Variants in NAV2 observed in about 807,000 individuals in gnomAD.
The protein encoded by NAV2 is neuron navigator 2, also known as helicase, APC down-regulated 1.
Under a neutral mutation model 223.2 loss-of-function variants are expected in NAV2, and 54 were observed. That is an observed-to-expected ratio of 0.24 (90% CI 0.19 to 0.30). The LOEUF (loss-of-function observed/expected upper bound fraction) is 0.30, where lower values mean the gene tolerates loss of function less well. Among genes scored for constraint, NAV2 ranks in the 10% least tolerant of loss-of-function variants. The pLI is 1.00. For missense variants in NAV2, 2,806 were observed against 3,147.5 expected (o/e 0.89, Z 2.60); for synonymous variants, 1,279 against 1,239.3 (o/e 1.03, Z -0.67).
intron 1 of NAV2, among the ~76,000 whole-genome samples, chr11:19,382,170 T>C (rs925266077): frequency 2.6e-5 from 4 of 152,166 alleles, no homozygotes; most frequent in African/African-American, 9.7e-5. Flanking sequence ...CTAAGCTGAA[T>C]GGCGCCTGAG....
intron 30 of NAV2, 132 bp downstream of exon 30, chr11:20,095,899 G>T (rs1843189278): frequency 9.8e-6 from 7 of 712,492 alleles, no homozygotes; most frequent in Non-Finnish European, 1.8e-5. Flanking sequence ...TGTTAATGTT[G>T]CTGGAACTTG....
intron 1 of NAV2, among the ~76,000 whole-genome samples, chr11:19,635,158 AT>A (rs1406765371): frequency 1.3e-5 from 2 of 152,228 alleles, no homozygotes; most frequent in Non-Finnish European, 2.9e-5. Flanking sequence ...TGGTGAATAT[AT>A]AGCAGTATCG....
At chr11:19,963,144 CAT>C (rs1398228221) in intron 10 of NAV2, among the ~76,000 whole-genome samples, 5 of 152,234 alleles carry the variant, frequency 3.3e-5, no homozygotes, top group Non-Finnish European at 5.9e-5. Flanking sequence ...CACTGTAATT[CAT>C]AGTCGCTAAC....
chr11:19,988,299 T>C (rs2050982923), intron 11 of NAV2, among the ~76,000 whole-genome samples: 1 of 152,204 alleles, frequency 6.6e-6, no homozygotes, highest in Non-Finnish European at 1.5e-5. Flanking sequence ...GAAATCAGGC[T>C]TGGTGTGACA....
chr11:19,686,768 G>A (rs1435036653), intron 1 of NAV2, among the ~76,000 whole-genome samples: 1 of 152,190 alleles, frequency 6.6e-6, no homozygotes, highest in Non-Finnish European at 1.5e-5. Flanking sequence ...CCTTCAATAA[G>A]ATACTCCCTT....
chr11:19,887,488 C>T (rs966217882), intron 5 of NAV2, among the ~76,000 whole-genome samples: 1 of 152,072 alleles, frequency 6.6e-6, no homozygotes, highest in African/African-American at 2.4e-5. Context: ...GCCTGGGTTT[C>T]CTTATTGGTC....
chr11:19,836,764 T>G (rs75023274), intron 2 of NAV2, among the ~76,000 whole-genome samples: 5,154 of 152,268 alleles, frequency 0.034, 272 homozygotes, highest in African/African-American at 0.12. Context: ...CTGAGTGGCA[T>G]ATAAACAAAA....
chr11:19,731,416 C>T (rs1303752294), intron 1 of NAV2, among the ~76,000 whole-genome samples: 3 of 152,190 alleles, frequency 2.0e-5, no homozygotes, highest in Non-Finnish European at 4.4e-5. Flanking sequence ...TGGGCTGAAC[C>T]CTGGCAATTT....
Position 20,036,075 on chromosome 11 carries a change from C to G in NAV2, c.2885C>G (p.Ser962Cys). The change falls in exon 12 of 38, where the codon TCT (serine) becomes TGT (cysteine). Residue 962 changes from serine to cysteine, a missense_variant. Coordinates refer to ENST00000349880, the MANE Select transcript of NAV2 (RefSeq NM_145117.5). ...ISSYANTPAS[S>C]RKNLDVQTDA... ...TCTTATGCCAACACACCTGCCTCCT[C>G]TCGAAAAAACCTGGATGTGCAGGTG... 1 of 1,614,208 alleles carries G rather than the reference C, an allele frequency of 6.2e-7. No homozygotes were observed. Among genetic ancestry groups the G allele is most frequent in the African/African-American group, 1.3e-5 (1 of 75,052 alleles).
chr11:19,856,942 C>T (rs1026236800), intron 3 of NAV2, among the ~76,000 whole-genome samples: 4 of 152,194 alleles, frequency 2.6e-5, no homozygotes, highest in African/African-American at 9.7e-5. Context: ...ACCAGAAGAA[C>T]CATAAGCTGC....
chr11:19,367,869 C>T (rs1367256461), intron 1 of NAV2, among the ~76,000 whole-genome samples: 1 of 152,178 alleles, frequency 6.6e-6, no homozygotes, highest in African/African-American at 2.4e-5. Flanking sequence ...TTATATTATA[C>T]CCCAGAGCTG....
At chr11:19,865,398 A>T (rs901347646) in intron 3 of NAV2, among the ~76,000 whole-genome samples, 1 of 152,180 alleles carries the variant, frequency 6.6e-6, no homozygotes, top group Non-Finnish European at 1.5e-5. Context: ...GTGAATTTTA[A>T]TCACAAGAGG....
chr11:20,117,687 T>A (rs1057100263), intron 37 of NAV2, among the ~76,000 whole-genome samples: 2 of 152,232 alleles, frequency 1.3e-5, no homozygotes, highest in South Asian at 4.1e-4. Context: ...CCGATGTCAG[T>A]GATGCTGATG....
chr11:19,698,135 G>T (rs1180788375), intron 1 of NAV2, among the ~76,000 whole-genome samples: 1 of 152,062 alleles, frequency 6.6e-6, no homozygotes, highest in East Asian at 1.9e-4. Flanking sequence ...GAGAGAACGG[G>T]GTGTAATCGT....
chr11:19,495,399 G>T (rs187179944), intron 1 of NAV2, among the ~76,000 whole-genome samples: 2 of 152,316 alleles, frequency 1.3e-5, no homozygotes, highest in Admixed American at 1.3e-4. Context: ...ATAAGAGAGG[G>T]AAGCAAACCT....
chr11:19,938,115 A>C (rs2046072848), intron 7 of NAV2, among the ~76,000 whole-genome samples: 1 of 152,200 alleles, frequency 6.6e-6, no homozygotes, highest in Admixed American at 6.5e-5. Context: ...GTAGAGTTGT[A>C]TGTAAAGAGT....
chr11:19,542,853 C>A (rs1458131867), intron 1 of NAV2, among the ~76,000 whole-genome samples: 1 of 152,204 alleles, frequency 6.6e-6, no homozygotes, highest in Admixed American at 6.5e-5. Flanking sequence ...CTGTGAGCAC[C>A]ACCTTGCTCT....
At chr11:20,046,624 A>AC (rs1554924597) in intron 14 of NAV2, among the ~76,000 whole-genome samples, 5 of 150,416 alleles carry the variant, frequency 3.3e-5, no homozygotes, top group South Asian at 2.1e-4. Context: ...ACACACACAC[A>AC]AACCTCTTAA....
intron 1 of NAV2, among the ~76,000 whole-genome samples, chr11:19,593,549 A>T (rs187991638): frequency 1.1e-4 from 16 of 152,322 alleles, no homozygotes; most frequent in Non-Finnish European, 1.5e-4. Flanking sequence ...TCTCACAGGG[A>T]TAAATGCTTG....
Sources: gnomAD v4.1 joint callset for allele counts (sites outside exome capture counted in the v4.1 genomes callset) on GRCh38, gnomAD v4.1.1 for gene constraint, MANE v1.5 for transcripts, NCBI Gene and HGNC (gene_info 2026-07-23, HGNC 2026-07-21) for gene names.